The following ADAM23 variants were observed in gnomAD, a reference collection of about 807,000 sequenced individuals.
The protein encoded by ADAM23 is ADAM metallopeptidase domain 23.
Under a neutral mutation model 120.1 loss-of-function variants are expected in ADAM23, and 33 were observed. The ratio of observed to expected loss-of-function variants is 0.27; its 90% CI spans 0.21 to 0.37. The LOEUF (loss-of-function observed/expected upper bound fraction) is 0.37, where lower values mean the gene tolerates loss of function less well. Among genes scored for constraint, ADAM23 ranks in the 10% least tolerant of loss-of-function variants. ADAM23 has a pLI of 1.00. For synonymous variants in ADAM23, 367 were observed against 375.2 expected, an observed-to-expected ratio of 0.98 and a Z score of 0.25; for missense variants, 862 against 1,058.2, an observed-to-expected ratio of 0.81 and a Z score of 2.57.
intron 14 of ADAM23, among the ~76,000 whole-genome samples, chr2:206,565,484 T>G (rs564229979): frequency 3.9e-4 from 59 of 152,354 alleles, no homozygotes; most frequent in Non-Finnish European, 7.1e-4. Context: ...CTTTACTGTT[T>G]ATAAATCAAT....
At chr2:206,518,283 A>G (rs762552603) in intron 3 of ADAM23, among the ~76,000 whole-genome samples, 1 of 152,168 alleles carries the variant, frequency 6.6e-6, no homozygotes, top group Non-Finnish European at 1.5e-5. Flanking sequence ...TAAATACTTA[A>G]TAATAGTTAA....
At chr2:206,465,284 C>G (rs1376554615) in intron 2 of ADAM23, among the ~76,000 whole-genome samples, 6 of 152,166 alleles carry the variant, frequency 3.9e-5, no homozygotes, top group Admixed American at 3.9e-4. Flanking sequence ...AATTCATCCT[C>G]TGGCCTCAGC....
At chr2:206,526,269 T>C (rs1227478831) in intron 3 of ADAM23, among the ~76,000 whole-genome samples, 4 of 152,116 alleles carry the variant, frequency 2.6e-5, no homozygotes. Flanking sequence ...CTAAATATAA[T>C]AGCAGCTCTG....
At chr2:206,498,308 G>C (rs1373605958) in intron 3 of ADAM23, among the ~76,000 whole-genome samples, 1 of 152,162 alleles carries the variant, frequency 6.6e-6, no homozygotes, top group Non-Finnish European at 1.5e-5. Context: ...CAGAGATGTA[G>C]ACCAATGGAA....
At chr2:206,542,561 G>A (rs866189863) in intron 5 of ADAM23, among the ~76,000 whole-genome samples, 3 of 152,114 alleles carry the variant, frequency 2.0e-5, no homozygotes, top group African/African-American at 7.2e-5. Flanking sequence ...AAAGAGAGGG[G>A]TTCGCACATT....
At chr2:206,508,869 C>T (rs770578430) in intron 3 of ADAM23, among the ~76,000 whole-genome samples, 3 of 152,092 alleles carry the variant, frequency 2.0e-5, no homozygotes, top group Non-Finnish European at 4.4e-5. Flanking sequence ...TTGTAACAAA[C>T]GCACCTTATA....
chr2:206,530,463 T>G (rs565855808), intron 3 of ADAM23, among the ~76,000 whole-genome samples: 1 of 152,286 alleles, frequency 6.6e-6, no homozygotes, highest in East Asian at 1.9e-4. Context: ...CTCAAGTTAC[T>G]TGCCTTTTGG....
At position 206,607,898 on chromosome 2, in the gene ADAM23, C is replaced by A. The variant is rs752090284; in HGVS notation, c.2360-2012C>A. Reference sequence around the variant, plus strand: ...CCATGGACAGTTTTTTTTTTAATTTCTCCTTAGTTTATAAGTCAGGAATCA... The same window carrying A: ...CCATGGACAGTTTTTTTTTTAATTTATCCTTAGTTTATAAGTCAGGAATCA... On this transcript the variant is annotated intron_variant, in intron 24 of 25. Coordinates refer to ENST00000264377, the MANE Select transcript of ADAM23 (RefSeq NM_003812.4). 8.8e-5 allele frequency: 35 copies of A among 398,404 alleles called. 1 individual carries two copies. The highest frequency in any genetic ancestry group is 1.6e-4 in the Non-Finnish European group (33 of 207,592). The allele number at this position is 398,404 out of a possible 1,614,324, so 24.7% of individuals were successfully genotyped here.
chr2:206,507,822 G>A (rs1696526539), intron 3 of ADAM23, among the ~76,000 whole-genome samples: 1 of 152,026 alleles, frequency 6.6e-6, no homozygotes, highest in African/African-American at 2.4e-5. Flanking sequence ...GCTTTCCTGG[G>A]TCTTTTATTT....
At position 206,445,423 on chromosome 2, in the gene ADAM23, A is replaced by G. The variant is rs1263818673; in HGVS notation, c.331A>G (p.Ile111Val). The G allele has an allele frequency of 3.1e-6, 5 of 1,614,172 alleles. No individual in the cohort carries two copies. The highest frequency in any genetic ancestry group is 4.5e-5 in the East Asian group (2 of 44,886). Residue 111 changes from isoleucine to valine, a missense_variant, in exon 2 of 26, where the codon ATC becomes GTC. Ile to Val is a conservative substitution (Grantham distance 29, BLOSUM62 3). This residue lies in a region of ADAM23 where 225 missense variants were observed against 204.0 expected (regional missense o/e 1.10). Coordinates refer to ENST00000264377, the MANE Select transcript of ADAM23 (RefSeq NM_003812.4). ...TTACAGCAATGCAATGCAGAAAGAA[A>G]TCACACTGCCTTCAAGACTCATATA... ...ISYSNAMQKE[I>V]TLPSRLIYYI...
In ADAM23 at chr2:206,592,655, C is replaced by T. The variant is rs867924923; in HGVS notation, c.1997C>T (p.Thr666Ile). ...GGATTCTTACTCTGTACCAATCTTA[C>T]TCGAGCTCCACGTATTGGTCAACTT... ...FCGFLLCTNLTRAPRIGQLQG... is the reference protein window; with the variant it reads ...FCGFLLCTNLIRAPRIGQLQG... Residue 666 changes from threonine to isoleucine, a missense_variant, in exon 22 of 26, where the codon ACT (threonine) becomes ATT (isoleucine). Transcript: ENST00000264377. 8.1e-6 allele frequency: 13 copies of T among 1,613,260 alleles called. No individual in the cohort carries two copies. In the Middle Eastern group the frequency reaches 2.0e-3, roughly 246 times the overall value.
At chr2:206,514,412 A>G (rs1384324530) in intron 3 of ADAM23, among the ~76,000 whole-genome samples, 1 of 152,164 alleles carries the variant, frequency 6.6e-6, no homozygotes, top group Admixed American at 6.6e-5. Context: ...CAGACGTGGT[A>G]GAAAGACAGT....
At chr2:206,447,274 A>G (rs1458494125) in intron 2 of ADAM23, among the ~76,000 whole-genome samples, 2 of 152,176 alleles carry the variant, frequency 1.3e-5, no homozygotes, top group Non-Finnish European at 2.9e-5. Context: ...TTTATACTGT[A>G]CTTTGAAAAG....
chr2:206,579,828 G>A (rs924037343), intron 18 of ADAM23, among the ~76,000 whole-genome samples: 9 of 152,042 alleles, frequency 5.9e-5, no homozygotes, highest in South Asian at 4.1e-4. Flanking sequence ...CAGTATGCTC[G>A]TCTTCAAATA....
chr2:206,568,599 G>A (rs146473011), intron 15 of ADAM23, among the ~76,000 whole-genome samples: 46 of 152,172 alleles, frequency 3.0e-4, no homozygotes, highest in African/African-American at 8.2e-4. Context: ...TGCATAAATC[G>A]GGGCTGTAGA....
At chr2:206,474,867 G>A (rs1302494587) in intron 2 of ADAM23, among the ~76,000 whole-genome samples, 4 of 152,134 alleles carry the variant, frequency 2.6e-5, no homozygotes, top group South Asian at 2.1e-4. Flanking sequence ...GAGCCACTGC[G>A]CCTGGCCGTC....
intron 18 of ADAM23, among the ~76,000 whole-genome samples, chr2:206,581,955 G>A (rs938325778): frequency 1.3e-5 from 2 of 152,104 alleles, no homozygotes; most frequent in East Asian, 3.9e-4. Context: ...TCGGCTCACT[G>A]CAACCTCTGC....
chr2:206,513,796 T>C (rs1457180011), intron 3 of ADAM23, among the ~76,000 whole-genome samples: 1 of 152,208 alleles, frequency 6.6e-6, no homozygotes, highest in Non-Finnish European at 1.5e-5. Context: ...ATAATGCAGC[T>C]TGTGACTTTA....
At chr2:206,551,275 A>T (rs1484248047) in intron 9 of ADAM23, among the ~76,000 whole-genome samples, 1 of 152,080 alleles carries the variant, frequency 6.6e-6, no homozygotes, top group African/African-American at 2.4e-5. Flanking sequence ...ACTGATGAGG[A>T]GTTAGGAGAG....
Sources: allele counts gnomAD v4.1 joint callset (sites outside exome capture counted in the v4.1 genomes callset), GRCh38; gene constraint gnomAD v4.1.1; regional missense constraint gnomAD v4.1.1; transcripts MANE v1.5; gene names NCBI Gene and HGNC (gene_info 2026-07-23, HGNC 2026-07-21).